Variants in GRB10 observed in about 807,000 individuals in gnomAD.
The protein encoded by GRB10 is growth factor receptor bound protein 10.
GRB10 carries 20 observed loss-of-function variants against 80.9 expected under a neutral mutation model. The observed-to-expected ratio is 0.25, with a 90% CI of 0.17 to 0.36. The LOEUF (loss-of-function observed/expected upper bound fraction) is 0.36. GRB10 is among the 10% of genes least tolerant of loss of function. The pLI, the probability that GRB10 is intolerant of heterozygous loss-of-function variation, is 1.00. For missense variants in GRB10, 548 were observed against 747.7 expected (o/e 0.73, Z 3.12); for synonymous variants, 291 against 291.5 (o/e 1.00, Z 0.02).
rs1587150688 is a variant in GRB10, at chr7:50,704,429, T to C, written c.52-521A>G. On this transcript the variant is annotated intron_variant, in intron 4 of 18. Transcript: ENST00000401949. ...ATGTAAAACAGCAATATTATGATCC[T>C]AAGCCCATAATTCTAGAAACACACC... 2.0e-5 allele frequency among the ~76,000 whole-genome samples: 3 copies of C among 152,192 alleles called. No individual in the cohort carries two copies. In the South Asian group the frequency reaches 6.2e-4, roughly 32 times the overall value.
intron 17 of GRB10, among the ~76,000 whole-genome samples, 175 bp downstream of exon 17, chr7:50,603,823 C>T (rs1323394106): frequency 1.3e-5 from 2 of 152,248 alleles, no homozygotes; most frequent in East Asian, 3.8e-4. Context: ...CTGCCCCTTA[C>T]TAGCTGGGCA....
intron 2 of GRB10, chr7:50,779,060 A>G (rs1380979707): frequency 6.6e-6 from 1 of 152,244 alleles, no homozygotes; most frequent in East Asian, 1.9e-4. Context: ...ACAACAATGT[A>G]GGGCTAATCA....
At chr7:50,710,434 G>C (rs17547986) in intron 4 of GRB10, among the ~76,000 whole-genome samples, 10,976 of 152,236 alleles carry the variant, frequency 0.072, 625 homozygotes, top group South Asian at 0.12. Flanking sequence ...GTTTCAACTA[G>C]AGCATCAAAT....
intron 7 of GRB10, among the ~76,000 whole-genome samples, chr7:50,665,459 G>A (rs2059700729): frequency 6.6e-6 from 1 of 152,244 alleles, no homozygotes; most frequent in African/African-American, 2.4e-5. Context: ...GGGCCCATGA[G>A]CCAGTGGCAG....
chr7:50,648,187 A>G (rs950771168), intron 7 of GRB10, among the ~76,000 whole-genome samples: 1 of 152,160 alleles, frequency 6.6e-6, no homozygotes, highest in African/African-American at 2.4e-5. Context: ...CTGAAGAGCC[A>G]GCAACGATGG....
At chr7:50,734,459 AC>A (rs549195951) in intron 3 of GRB10, among the ~76,000 whole-genome samples, 12,746 of 96,614 alleles carry the variant, frequency 0.13, 908 homozygotes, top group Admixed American at 0.29. Context: ...GGCTGCCCAC[AC>A]CCCCCACGCA....
intron 8 of GRB10, among the ~76,000 whole-genome samples, chr7:50,622,788 CTTTT>C (rs201269442): frequency 2.1e-5 from 3 of 144,906 alleles, no homozygotes. Context: ...TTCCTTTTAT[CTTTT>C]TTTTTTTTTT....
At chr7:50,605,686 T>C (rs1020188832) in intron 14 of GRB10, among the ~76,000 whole-genome samples, 1 of 152,122 alleles carries the variant, frequency 6.6e-6, no homozygotes, top group East Asian at 1.9e-4. Context: ...GACCATGTGG[T>C]CCTTCACAGG....
intron 7 of GRB10, among the ~76,000 whole-genome samples, chr7:50,658,682 T>A (rs1586489324): frequency 6.6e-6 from 1 of 152,224 alleles, no homozygotes; most frequent in African/African-American, 2.4e-5. Context: ...CAGTAAAATA[T>A]CTGTTTTAGG....
At chr7:50,650,640 T>C (rs1024801571) in intron 7 of GRB10, among the ~76,000 whole-genome samples, 2 of 152,124 alleles carry the variant, frequency 1.3e-5, no homozygotes, top group African/African-American at 4.8e-5. Context: ...GTTCCCCTGT[T>C]TGGGTGGGAA....
rs1195721316 is a variant in GRB10 at position 50,741,196 on chromosome 7, T to C, written c.-46-8828A>G. On this transcript the variant is annotated intron_variant, in intron 3 of 18. Transcript: ENST00000401949. Reference sequence around the variant, plus strand: ...GAGGAAAACTAGTTGTTGCAGATGTTGGTCTATTATGTAGGACAAAGAAAT... The same window carrying C: ...GAGGAAAACTAGTTGTTGCAGATGTCGGTCTATTATGTAGGACAAAGAAAT... Among the ~76,000 whole-genome samples the C allele has an allele frequency of 6.6e-5, 10 of 152,362 alleles. No individual in the cohort carries two copies. In the East Asian group the frequency reaches 1.9e-3, roughly 29 times the overall value.
At chr7:50,694,134 G>A (rs989491816) in intron 5 of GRB10, among the ~76,000 whole-genome samples, 1 of 152,170 alleles carries the variant, frequency 6.6e-6, no homozygotes, top group African/African-American at 2.4e-5. Context: ...GACCAGCCTG[G>A]CCAACATGGC....
rs556486785 is a variant in GRB10, at chr7:50,640,078, A to C, written c.505-13100T>G. ...GCTGGGGTCATCTCTAGAAAGGTTTAATCTGGGCTGAAGATACAACCTGAG... is the reference window on the plus strand; with the variant it reads ...GCTGGGGTCATCTCTAGAAAGGTTTCATCTGGGCTGAAGATACAACCTGAG... On this transcript the variant is annotated intron_variant, in intron 7 of 18. Coordinates refer to ENST00000401949, the MANE Select transcript of GRB10 (RefSeq NM_001350814.2). Among the ~76,000 whole-genome samples the C allele has an allele frequency of 2.6e-5, 4 of 152,314 alleles. No homozygotes were observed. In the South Asian group the frequency reaches 8.3e-4, roughly 32 times the overall value.
intron 5 of GRB10, among the ~76,000 whole-genome samples, chr7:50,693,510 T>C (rs1214814187): frequency 6.6e-6 from 1 of 152,196 alleles, no homozygotes; most frequent in East Asian, 1.9e-4. Context: ...CGTAATGGGT[T>C]GGAGAGGACC....
At chr7:50,777,094 T>C (rs904349414) in intron 2 of GRB10, among the ~76,000 whole-genome samples, 16 of 152,144 alleles carry the variant, frequency 1.1e-4, no homozygotes, top group African/African-American at 3.9e-4. Context: ...TTATAAATAA[T>C]AGAAATTTAC....
intron 5 of GRB10, among the ~76,000 whole-genome samples, chr7:50,676,337 G>T (rs922422869): frequency 1.8e-3 from 16 of 9,024 alleles, no homozygotes; most frequent in Non-Finnish European, 2.6e-3. Context: ...CACCCCACCG[G>T]GGGGGGGGGG....
At chr7:50,729,702 T>C (rs1196282828) in intron 4 of GRB10, among the ~76,000 whole-genome samples, 1 of 152,076 alleles carries the variant, frequency 6.6e-6, no homozygotes, top group African/African-American at 2.4e-5. Context: ...GACAATGAGC[T>C]ATAGGACCCT....
chr7:50,703,696 G>A, intron 5 of GRB10, 125 bp downstream of exon 5: 1 of 715,536 alleles, frequency 1.4e-6, no homozygotes, highest in Admixed American at 1.9e-5. Context: ...TCCTTAATGA[G>A]AAAAGAAGAA....
intron 4 of GRB10, among the ~76,000 whole-genome samples, chr7:50,713,864 C>T (rs574716813): frequency 1.3e-5 from 2 of 152,046 alleles, no homozygotes; most frequent in Admixed American, 6.5e-5. Context: ...ACCACCTCCA[C>T]CCTCACCTCT....
Sources: gnomAD v4.1 joint callset for allele counts (sites outside exome capture counted in the v4.1 genomes callset) on GRCh38, gnomAD v4.1.1 for gene constraint, MANE v1.5 for transcripts, NCBI Gene and HGNC (gene_info 2026-07-23, HGNC 2026-07-21) for gene names.